The following ATP9A variants were observed in gnomAD, a reference collection of about 807,000 sequenced individuals.
ATP9A encodes the protein probable phospholipid-transporting ATPase IIA.
In ATP9A, 52 loss-of-function variants were observed where a neutral mutation model predicts 144.1. That is an observed-to-expected ratio of 0.36 (90% CI 0.29 to 0.45). ATP9A has a LOEUF of 0.45. Among genes scored for constraint, ATP9A ranks in the 20% least tolerant of loss-of-function variants. The pLI, the probability that ATP9A is intolerant of heterozygous loss-of-function variation, is 1.00. For synonymous variants in ATP9A, 582 were observed against 557.4 expected, an observed-to-expected ratio of 1.04 and a Z score of -0.62; for missense variants, 947 against 1,392.7, an observed-to-expected ratio of 0.68 and a Z score of 5.09.
At chr20:51,669,869 T>A in intron 13 of ATP9A, 128 bp downstream of exon 13, 1 of 704,554 alleles carries the variant, frequency 1.4e-6, no homozygotes, top group Non-Finnish European at 2.4e-6. Flanking sequence ...TGAATATGCT[T>A]AAAAAAAAAC....
At position 51,625,358 on chromosome 20, in the gene ATP9A, C is replaced by T. The variant is rs1163348934; in HGVS notation, c.1850G>A (p.Arg617His). 19 of 1,612,896 alleles carry T rather than the reference C, an allele frequency of 1.2e-5. No individual in the cohort carries two copies. The East Asian group carries it at 1.6e-4, about 13-fold the overall frequency. ...AEEQYQDFEA[R>H]YVQAKLSVHD... is the part of the protein sequence containing the mutation. ...CACACTCAGCTTGGCCTGGACGTAGCGGGCCTGGGACACACCAGCAGATGC... is the reference window on the plus strand; with the variant it reads ...CACACTCAGCTTGGCCTGGACGTAGTGGGCCTGGGACACACCAGCAGATGC... Residue 617 changes from arginine to histidine, a missense_variant, in exon 18 of 28, where the codon CGC becomes CAC. By Grantham distance (29) the Arg-to-His change is conservative. Coordinates refer to ENST00000338821, the MANE Select transcript of ATP9A (RefSeq NM_006045.3).
chr20:51,638,121 A>ATCTATC (rs1173540252), intron 15 of ATP9A, among the ~76,000 whole-genome samples: 20 of 103,026 alleles, frequency 1.9e-4, no homozygotes, highest in African/African-American at 7.4e-4. Flanking sequence ...ATATATATAT[A>ATCTATC]TATCTCATAG....
chr20:51,757,318 C>T (rs1266191101), intron 1 of ATP9A, among the ~76,000 whole-genome samples: 2 of 152,114 alleles, frequency 1.3e-5, no homozygotes, highest in African/African-American at 4.8e-5. Context: ...AAGCCCGGCC[C>T]CAAGCCTGAC....
At chr20:51,620,022 T>G (rs369022313) in intron 19 of ATP9A, among the ~76,000 whole-genome samples, 1 of 152,160 alleles carries the variant, frequency 6.6e-6, no homozygotes, top group East Asian at 1.9e-4. Context: ...TGAAGCATGG[T>G]GACATCTGCT....
In ATP9A at chr20:51,601,023, C is replaced by T. The variant is rs575154915; in HGVS notation, c.*188G>A. 5.7e-5 allele frequency: 35 copies of T among 615,294 alleles called. No homozygotes were observed. In the African/African-American group the frequency reaches 6.5e-4, roughly 11 times the overall value. 38.1% of individuals were successfully genotyped at this position (615,294 alleles called of 1,614,324 possible). A position where few individuals can be genotyped will look rare whatever the true frequency, so the allele number is the denominator to read the frequency against. On this transcript the variant is annotated 3_prime_UTR_variant, in exon 28 of 28. Transcript: ENST00000338821. Reference sequence around the variant, plus strand: ...GGTTCAGACAGGCCCAGATGGGTCTCTTTCAGGACCCTCCCTCCCGTTGAT... The same window carrying T: ...GGTTCAGACAGGCCCAGATGGGTCTTTTTCAGGACCCTCCCTCCCGTTGAT...
intron 1 of ATP9A, among the ~76,000 whole-genome samples, chr20:51,755,212 C>T (rs976824610): frequency 4.6e-5 from 7 of 151,954 alleles, no homozygotes; most frequent in South Asian, 2.1e-4. Flanking sequence ...CCAAGGCAGG[C>T]GGATCACAAG....
At chr20:51,708,054 A>G (rs1376471386) in intron 4 of ATP9A, among the ~76,000 whole-genome samples, 5 of 152,176 alleles carry the variant, frequency 3.3e-5, no homozygotes, top group Non-Finnish European at 7.3e-5. Flanking sequence ...AATGACTAAA[A>G]GGTCATTTCC....
In ATP9A at chr20:51,688,248, G is replaced by A. The variant is rs376442790; in HGVS notation, c.799+816C>T. 7.2e-5 allele frequency among the ~76,000 whole-genome samples: 11 copies of A among 152,166 alleles called. No homozygotes were observed. The South Asian group carries it at 1.2e-3, about 17-fold the overall frequency. ...GCCGCTGATGTTAACCACTGCTATC[G>A]GGGGTCATATTCAGCCCATGCAGTC... On this transcript the variant is annotated intron_variant, in intron 9 of 27. Coordinates refer to ENST00000338821, the MANE Select transcript of ATP9A (RefSeq NM_006045.3).
chr20:51,641,660 T>TAAAAATAAA (rs1568798898), intron 14 of ATP9A, among the ~76,000 whole-genome samples: 1 of 143,860 alleles, frequency 7.0e-6, no homozygotes, highest in East Asian at 2.0e-4. Context: ...ACTAAAAAAA[T>TAAAAATAAA]AAAAATAAAA....
chr20:51,742,111 T>G (rs2077787586), intron 1 of ATP9A, among the ~76,000 whole-genome samples: 1 of 151,822 alleles, frequency 6.6e-6, no homozygotes, highest in South Asian at 2.1e-4. Flanking sequence ...ACAGCTTGAG[T>G]TCAGGAGTTG....
chr20:51,737,305 C>G (rs917472365), intron 1 of ATP9A, among the ~76,000 whole-genome samples: 1 of 152,206 alleles, frequency 6.6e-6, no homozygotes, highest in Admixed American at 6.5e-5. Flanking sequence ...CAGGAGCTCT[C>G]TTGCCCCGTA....
chr20:51,659,718 T>C (rs1382965160), intron 13 of ATP9A, among the ~76,000 whole-genome samples: 2 of 152,174 alleles, frequency 1.3e-5, no homozygotes, highest in African/African-American at 4.8e-5. Flanking sequence ...TTGCCCAAAA[T>C]AGAGAACAGA....
chr20:51,676,253 T>C, intron 9 of ATP9A, 45 bp from the exon 10 acceptor site: 7 of 1,443,350 alleles, frequency 4.8e-6, no homozygotes, highest in Admixed American at 1.9e-5. Context: ...GAAATATTAA[T>C]ACAGACAGGC....
At chr20:51,640,146 C>T (rs1367905575) in intron 14 of ATP9A, among the ~76,000 whole-genome samples, 1 of 152,070 alleles carries the variant, frequency 6.6e-6, no homozygotes, top group Non-Finnish European at 1.5e-5. Flanking sequence ...TTACGGATCA[C>T]TCCTGGAAGT....
At chr20:51,761,245 C>T (rs545592033) in intron 1 of ATP9A, among the ~76,000 whole-genome samples, 1 of 152,282 alleles carries the variant, frequency 6.6e-6, no homozygotes, top group African/African-American at 2.4e-5. Flanking sequence ...CTTTTTCCTC[C>T]ACCGTCAGAT....
intron 24 of ATP9A, among the ~76,000 whole-genome samples, chr20:51,609,370 C>T (rs547818313): frequency 3.9e-5 from 6 of 152,248 alleles, no homozygotes; most frequent in African/African-American, 1.2e-4. Context: ...GGATGGAAAG[C>T]GGACTCTGTG....
At chr20:51,720,573 C>T (rs1181716470) in intron 3 of ATP9A, among the ~76,000 whole-genome samples, 1 of 152,182 alleles carries the variant, frequency 6.6e-6, no homozygotes, top group East Asian at 1.9e-4. Flanking sequence ...CAGTGGCTCA[C>T]ACCTGTCATC....
At chr20:51,655,638 T>C (rs935108616) in intron 14 of ATP9A, among the ~76,000 whole-genome samples, 1 of 152,220 alleles carries the variant, frequency 6.6e-6, no homozygotes, top group Non-Finnish European at 1.5e-5. Flanking sequence ...TAACAAGGAT[T>C]GACCGAGATG....
intron 4 of ATP9A, among the ~76,000 whole-genome samples, chr20:51,710,724 G>C (rs2077634652): frequency 6.6e-6 from 1 of 152,182 alleles, no homozygotes; most frequent in African/African-American, 2.4e-5. Flanking sequence ...CACAAAGGAA[G>C]ACAAGTTTTT....
Sources: gnomAD v4.1 joint callset for allele counts (sites outside exome capture counted in the v4.1 genomes callset) on GRCh38, gnomAD v4.1.1 for gene constraint, MANE v1.5 for transcripts, NCBI Gene and HGNC (gene_info 2026-07-23, HGNC 2026-07-21) for gene names.